The following CNTNAP2 variants were observed in gnomAD, a reference collection of about 807,000 sequenced individuals.
CNTNAP2 encodes contactin-associated protein-like 2.
Under a neutral mutation model 155.2 loss-of-function variants are expected in CNTNAP2, and 98 were observed. The ratio of observed to expected loss-of-function variants is 0.63; its 90% confidence interval spans 0.54 to 0.75. The LOEUF (loss-of-function observed/expected upper bound fraction) is 0.75. CNTNAP2 is among the 30% of genes least tolerant of loss of function. The probability of loss-of-function intolerance (pLI) is 0.00; values close to 1 mark genes in which losing one functional copy is unlikely to be tolerated. For synonymous variants in CNTNAP2, 651 were observed against 631.2 expected, an observed-to-expected ratio of 1.03 and a Z score of -0.47; for missense variants, 1,727 against 1,688.1, an observed-to-expected ratio of 1.02 and a Z score of -0.40.
At chr7:147,075,666 T>C (rs938796166) in intron 4 of CNTNAP2, among the ~76,000 whole-genome samples, 2 of 152,188 alleles carry the variant, frequency 1.3e-5, no homozygotes, top group Non-Finnish European at 2.9e-5. Context: ...AGTTCTAGGG[T>C]ACATGTGTAC....
chr7:147,404,323 G>T (rs1796966406), intron 10 of CNTNAP2, among the ~76,000 whole-genome samples: 1 of 152,138 alleles, frequency 6.6e-6, no homozygotes, highest in Non-Finnish European at 1.5e-5. Flanking sequence ...AAGTGAAACT[G>T]GATTTCCTTT....
chr7:147,334,294 A>G (rs1483492250), intron 9 of CNTNAP2, among the ~76,000 whole-genome samples: 3 of 152,004 alleles, frequency 2.0e-5, no homozygotes, highest in African/African-American at 7.2e-5. Context: ...TAAAACCCCA[A>G]TCATCCCTTG....
chr7:147,994,248 C>T lies in CNTNAP2; in HGVS notation c.2383+16259C>T, dbSNP rs796561519. 5.3e-5 allele frequency among the ~76,000 whole-genome samples: 8 copies of T among 151,812 alleles called. 1 individual carries two copies. Among genetic ancestry groups the T allele is most frequent in the African/African-American group, 1.7e-4 (7 of 41,392 alleles). On this transcript the variant is annotated intron_variant, in intron 15 of 23. Coordinates refer to ENST00000361727, the MANE Select transcript of CNTNAP2 (RefSeq NM_014141.6). ...TTAACCAGGTTTGGTGGCACATGCC[C>T]GTGGCCCAACTACTTGGGAGGCTGA...
intron 1 of CNTNAP2, among the ~76,000 whole-genome samples, chr7:146,469,454 A>G (rs1160206772): frequency 1.3e-5 from 2 of 150,560 alleles, no homozygotes; most frequent in African/African-American, 2.4e-5. Flanking sequence ...AAGCTCATAC[A>G]TGCTCTTTCT....
At chr7:148,047,043 G>C (rs548286747) in intron 15 of CNTNAP2, among the ~76,000 whole-genome samples, 2 of 152,054 alleles carry the variant, frequency 1.3e-5, no homozygotes, top group South Asian at 4.2e-4. Flanking sequence ...CTTCTCCTTG[G>C]GCCCCCACCT....
chr7:148,216,420 CT>C (rs1795638890), intron 18 of CNTNAP2, among the ~76,000 whole-genome samples: 1 of 152,186 alleles, frequency 6.6e-6, no homozygotes, highest in Non-Finnish European at 1.5e-5. Context: ...GAACCCAGTT[CT>C]CTCTAACTTC....
At chr7:146,360,269 C>G (rs551363479) in intron 1 of CNTNAP2, among the ~76,000 whole-genome samples, 2 of 152,196 alleles carry the variant, frequency 1.3e-5, no homozygotes, top group African/African-American at 4.8e-5. Flanking sequence ...ATTTGACTTT[C>G]AGTGAGTGGG....
chr7:147,090,091 G>A (rs1458902077), intron 4 of CNTNAP2, among the ~76,000 whole-genome samples: 1 of 152,136 alleles, frequency 6.6e-6, no homozygotes, highest in Non-Finnish European at 1.5e-5. Context: ...CAGTAAGGGA[G>A]GGTCCCATAG....
chr7:147,713,766 G>A (rs996936337), intron 13 of CNTNAP2, among the ~76,000 whole-genome samples: 2 of 152,136 alleles, frequency 1.3e-5, no homozygotes, highest in Admixed American at 6.6e-5. Context: ...AGCAATGAAT[G>A]ACAGATCCAG....
At chr7:146,787,865 A>G (rs894454689) in intron 2 of CNTNAP2, among the ~76,000 whole-genome samples, 2 of 152,206 alleles carry the variant, frequency 1.3e-5, no homozygotes, top group African/African-American at 4.8e-5. Flanking sequence ...TAGAGCACTG[A>G]TTGGTGCATT....
intron 11 of CNTNAP2, among the ~76,000 whole-genome samples, chr7:147,552,731 T>A (rs577840478): frequency 6.6e-6 from 1 of 152,220 alleles, no homozygotes; most frequent in South Asian, 2.1e-4. Context: ...CTCCATAATA[T>A]CAGTAGAAAC....
intron 21 of CNTNAP2, among the ~76,000 whole-genome samples, chr7:148,334,025 T>C (rs549613760): frequency 6.6e-6 from 1 of 152,310 alleles, no homozygotes. Context: ...GCGTGACAAG[T>C]GATTGCTAGA....
intron 14 of CNTNAP2, among the ~76,000 whole-genome samples, chr7:147,920,775 G>A (rs551569987): frequency 3.4e-5 from 5 of 148,780 alleles, no homozygotes; most frequent in African/African-American, 1.0e-4. Flanking sequence ...CTACACCACT[G>A]CAATTTCACG....
At chr7:146,747,852 G>A (rs1801834933) in intron 1 of CNTNAP2, among the ~76,000 whole-genome samples, 1 of 152,002 alleles carries the variant, frequency 6.6e-6, no homozygotes, top group Admixed American at 6.6e-5. Flanking sequence ...TAAATTTAGA[G>A]CATTGATTGA....
chr7:146,118,838 G>A (rs1427963025), intron 1 of CNTNAP2, among the ~76,000 whole-genome samples: 1 of 152,184 alleles, frequency 6.6e-6, no homozygotes, highest in East Asian at 1.9e-4. Context: ...TATTAACTTG[G>A]CTTTCATTCT....
At chr7:148,215,624 G>A (rs142187887) in intron 18 of CNTNAP2, among the ~76,000 whole-genome samples, 22 of 151,754 alleles carry the variant, frequency 1.4e-4, no homozygotes, top group Admixed American at 1.3e-4. Context: ...AATATACAAC[G>A]GTAACCTGTC....
intron 13 of CNTNAP2, among the ~76,000 whole-genome samples, chr7:147,655,972 A>G (rs1264118329): frequency 6.6e-6 from 1 of 152,240 alleles, no homozygotes; most frequent in Admixed American, 6.5e-5. Flanking sequence ...TGGAACTTCT[A>G]GGTAACTTGC....
chr7:147,781,819 C>G lies in CNTNAP2; in HGVS notation c.2099-121746C>G, dbSNP rs772635865. Among the ~76,000 whole-genome samples, 61 of 152,064 alleles carry G rather than the reference C, an allele frequency of 4.0e-4. 1 individual carries two copies. Among genetic ancestry groups the G allele is most frequent in the Non-Finnish European group, 8.5e-4 (58 of 67,972 alleles). ...CGGGCGGATCACGAGGTCAGGAGAT[C>G]GAGACCATCCTGGCTAACACGGTGA... On this transcript the variant is annotated intron_variant, in intron 13 of 23. Coordinates refer to ENST00000361727, the MANE Select transcript of CNTNAP2 (RefSeq NM_014141.6).
At chr7:148,048,059 G>T (rs1802805776) in intron 15 of CNTNAP2, among the ~76,000 whole-genome samples, 1 of 151,962 alleles carries the variant, frequency 6.6e-6, no homozygotes, top group African/African-American at 2.4e-5. Context: ...CAGTAGCTGG[G>T]ACTACAGGTG....
Sources: gnomAD v4.1 joint callset for allele counts (sites outside exome capture counted in the v4.1 genomes callset) on GRCh38, gnomAD v4.1.1 for gene constraint, MANE v1.5 for transcripts, NCBI Gene and HGNC (gene_info 2026-07-23, HGNC 2026-07-21) for gene names.